BLTP1: variants seen among roughly 807,000 people sequenced by gnomAD.
BLTP1 encodes bridge-like lipid transfer protein family member 1.
chr4:122,174,608 C>T, the BLTP1 span: 2 of 1,608,680 alleles, frequency 1.2e-6, no homozygotes, highest in Non-Finnish European at 1.7e-6. Flanking sequence ...CTGGAAAAGT[C>T]ATGGTTCGTG....
the BLTP1 span, chr4:122,257,170 A>G: frequency 7.5e-7 from 1 of 1,339,786 alleles, no homozygotes; most frequent in Non-Finnish European, 1.0e-6. Context: ...GTATTATGAG[A>G]TTTGAATAAA....
the BLTP1 span, chr4:122,307,832 T>C: frequency 6.7e-7 from 1 of 1,503,460 alleles, no homozygotes; most frequent in Non-Finnish European, 8.8e-7. Flanking sequence ...ATGCTACAGT[T>C]TTCTGGGTGT....
chr4:122,309,870 G>A, the BLTP1 span, among the ~76,000 whole-genome samples: 16 of 152,018 alleles, frequency 1.1e-4, no homozygotes, highest in African/African-American at 3.1e-4. Context: ...TAATATTGAC[G>A]TGAATAAATC....
the BLTP1 span, chr4:122,223,151 A>G: frequency 3.1e-6 from 3 of 972,344 alleles, no homozygotes; most frequent in Non-Finnish European, 3.7e-6. Context: ...TAAAATGAAA[A>G]TTGGATCAGA....
At chr4:122,226,309 A>G in the BLTP1 span, 1 of 717,042 alleles carries the variant, frequency 1.4e-6, no homozygotes, top group Non-Finnish European at 1.7e-6. Context: ...GCTCAATGTG[A>G]TATTTAGATA....
At chr4:122,202,192 C>T in the BLTP1 span, among the ~76,000 whole-genome samples, 3 of 152,074 alleles carry the variant, frequency 2.0e-5, no homozygotes, top group African/African-American at 7.2e-5. Context: ...TTCTCCAAGG[C>T]TTGAACCAAT....
chr4:122,288,196 A>G, the BLTP1 span, among the ~76,000 whole-genome samples: 2 of 152,124 alleles, frequency 1.3e-5, no homozygotes, highest in African/African-American at 4.8e-5. Flanking sequence ...ACCTTGTACT[A>G]ATCATAGGAC....
At chr4:122,258,902 T>G in the BLTP1 span, 1 of 1,049,218 alleles carries the variant, frequency 9.5e-7, no homozygotes, top group Non-Finnish European at 1.4e-6. Context: ...ACCTAAAATT[T>G]TATCTCAAAT....
the BLTP1 span, among the ~76,000 whole-genome samples, chr4:122,342,397 C>T: frequency 6.6e-6 from 1 of 151,716 alleles, no homozygotes; most frequent in Non-Finnish European, 1.5e-5. Context: ...ACTCTGTTGT[C>T]CAGGCTGGAG....
the BLTP1 span, among the ~76,000 whole-genome samples, chr4:122,183,722 GAGA>G: frequency 2.0e-5 from 3 of 152,138 alleles, no homozygotes; most frequent in Non-Finnish European, 4.4e-5. Context: ...GAGGGGTTTT[GAGA>G]AGATCAATTT....
the BLTP1 span, among the ~76,000 whole-genome samples, chr4:122,274,004 A>T: frequency 6.6e-6 from 1 of 152,044 alleles, no homozygotes; most frequent in African/African-American, 2.4e-5. Flanking sequence ...CTTATTTTTT[A>T]AAATTTTCCA....
At chr4:122,280,791 TTG>T in the BLTP1 span, among the ~76,000 whole-genome samples, 1 of 152,162 alleles carries the variant, frequency 6.6e-6, no homozygotes. Context: ...ATTTTTCCAA[TTG>T]TTTTATCTAA....
chr4:122,165,261 C>T, the BLTP1 span, among the ~76,000 whole-genome samples: 1 of 151,854 alleles, frequency 6.6e-6, no homozygotes, highest in Non-Finnish European at 1.5e-5. Context: ...TGTGATGTTC[C>T]CCTTCCTGTG....
At chr4:122,356,063 G>A in the BLTP1 span, 6 of 1,119,586 alleles carry the variant, frequency 5.4e-6, no homozygotes, top group Non-Finnish European at 7.4e-6. Context: ...TGTTCCCATG[G>A]ATTTTTTGTA....
the BLTP1 span, chr4:122,226,712 A>G: frequency 6.2e-7 from 1 of 1,613,526 alleles, no homozygotes; most frequent in Non-Finnish European, 8.5e-7. Context: ...TGTAGCTGGC[A>G]TGCCTCTTGG....
At chr4:122,341,672 A>G in the BLTP1 span, 2 of 980,106 alleles carry the variant, frequency 2.0e-6, no homozygotes, top group Non-Finnish European at 2.4e-6. Context: ...TGATAAGAAT[A>G]TATAGGTTGC....
At chr4:122,246,281 A>C in the BLTP1 span, 5 of 1,586,886 alleles carry the variant, frequency 3.2e-6, no homozygotes, top group Non-Finnish European at 4.3e-6. Flanking sequence ...TCTTCAGACT[A>C]ATGTTAGCAT....
the BLTP1 span, chr4:122,180,068 A>ACACGGC: frequency 1.0e-6 from 1 of 984,792 alleles, no homozygotes; most frequent in Non-Finnish European, 1.2e-6. Context: ...ACACACACAC[A>ACACGGC]CACACGGCTT....
chr4:122,197,444 T>G, the BLTP1 span: 1 of 812,310 alleles, frequency 1.2e-6, no homozygotes, highest in African/African-American at 1.9e-5. Flanking sequence ...AATTGAGCAT[T>G]TAGAGAAAAG....
Sources: gnomAD v4.1 joint callset for allele counts (sites outside exome capture counted in the v4.1 genomes callset) on GRCh38, gnomAD v4.1.1 for gene constraint, MANE v1.5 for transcripts, NCBI Gene and HGNC (gene_info 2026-07-23, HGNC 2026-07-21) for gene names.